Variants in AQP9 observed in about 807,000 individuals in gnomAD.
AQP9 encodes aquaporin-9.
A neutral mutation model predicts 23.8 loss-of-function variants in AQP9; 19 were observed. The observed-to-expected ratio is 0.80, with a 90% CI of 0.56 to 1.17. AQP9 has a LOEUF of 1.17. Among genes scored for constraint, AQP9 ranks in the 50% most tolerant of loss-of-function variants. The pLI, the probability that AQP9 is intolerant of heterozygous loss-of-function variation, is 0.00. For missense variants in AQP9, 413 were observed against 362.0 expected (o/e 1.14, Z -1.14); for synonymous variants, 153 against 131.5 (o/e 1.16, Z -1.12).
chr15:58,177,904 T>TA (rs1428357589), intron 4 of AQP9, among the ~76,000 whole-genome samples: 2 of 152,250 alleles, frequency 1.3e-5, no homozygotes, highest in Non-Finnish European at 2.9e-5. Flanking sequence ...CGTATGTTTT[T>TA]AAGTAGAGTC....
At chr15:58,157,964 G>A (rs900386076) in intron 1 of AQP9, among the ~76,000 whole-genome samples, 1 of 152,044 alleles carries the variant, frequency 6.6e-6, no homozygotes, top group African/African-American at 2.4e-5. Context: ...TCTGAACTAG[G>A]GTGACCATAC....
At chr15:58,182,087 G>A (rs1898900649) in intron 5 of AQP9, among the ~76,000 whole-genome samples, 1 of 152,174 alleles carries the variant, frequency 6.6e-6, no homozygotes, top group African/African-American at 2.4e-5. Context: ...ATGCCAGAGG[G>A]TTTGATGAGG....
At chr15:58,172,025 T>A (rs66896776) in intron 2 of AQP9, among the ~76,000 whole-genome samples, 18,636 of 152,192 alleles carry the variant, frequency 0.12, 1,403 homozygotes, top group Non-Finnish European at 0.17. Context: ...GCTCAGACAA[T>A]TTTTTTAAAT....
intron 1 of AQP9, among the ~76,000 whole-genome samples, chr15:58,145,800 T>C (rs1453365467): frequency 6.6e-5 from 10 of 152,236 alleles, no homozygotes; most frequent in African/African-American, 2.4e-4. Context: ...GTTCTTCCTT[T>C]AGAAAATTTT....
At chr15:58,160,043 C>T (rs1373456439) in intron 1 of AQP9, among the ~76,000 whole-genome samples, 6 of 152,122 alleles carry the variant, frequency 3.9e-5, no homozygotes, top group South Asian at 2.1e-4. Context: ...ACTGCTGAAT[C>T]GTATGGCAGT....
chr15:58,182,825 G>C (rs1898923027), intron 5 of AQP9, among the ~76,000 whole-genome samples: 1 of 152,170 alleles, frequency 6.6e-6, no homozygotes, highest in Admixed American at 6.5e-5. Flanking sequence ...GGTGCCCCAG[G>C]TGGAAGGGAC....
At chr15:58,165,964 G>A (rs1898493001) in intron 1 of AQP9, among the ~76,000 whole-genome samples, 1 of 152,202 alleles carries the variant, frequency 6.6e-6, no homozygotes, top group Non-Finnish European at 1.5e-5. Context: ...AGGGGGTCCT[G>A]ATTGCCAAAT....
chr15:58,183,342 C>CT (rs746390197), intron 5 of AQP9, among the ~76,000 whole-genome samples: 24 of 152,156 alleles, frequency 1.6e-4, no homozygotes, highest in Non-Finnish European at 2.9e-4. Flanking sequence ...AGAACTATAG[C>CT]TTTGCTGTAA....
At chr15:58,177,282 C>T (rs1039552972) in intron 4 of AQP9, among the ~76,000 whole-genome samples, 6 of 152,208 alleles carry the variant, frequency 3.9e-5, no homozygotes, top group Admixed American at 3.9e-4. Context: ...CCTACTTAGC[C>T]AAGTACAGCT....
At chr15:58,172,616 T>A (rs2414547) in intron 2 of AQP9, among the ~76,000 whole-genome samples, 66,961 of 152,062 alleles carry the variant, frequency 0.44, 16,469 homozygotes, top group Admixed American at 0.6. Context: ...CTTTTGAGCT[T>A]GTTTTTATAT....
intron 5 of AQP9, 34 bp from the exon 6 acceptor site, chr15:58,183,927 A>G: frequency 6.2e-7 from 1 of 1,610,988 alleles, no homozygotes; most frequent in Non-Finnish European, 8.5e-7. Context: ...AGGAAGGCCA[A>G]GAAATGTATC....
chr15:58,171,841 A>C (rs1215811470), intron 2 of AQP9, among the ~76,000 whole-genome samples: 1 of 150,076 alleles, frequency 6.7e-6, no homozygotes, highest in African/African-American at 2.4e-5. Flanking sequence ...CAGGATCATC[A>C]TCATCATCAT....
In AQP9 at chr15:58,168,544, A is replaced by G. The variant is rs920441032; in HGVS notation, c.238+1745A>G. On this transcript the variant is annotated intron_variant, in intron 2 of 5. Transcript: ENST00000219919. ...ATTGACCAGCTGGCACCCTTTCCAT[A>G]TTACAGCCAGACTCAGATCCAAGGG... 2.6e-5 allele frequency among the ~76,000 whole-genome samples: 4 copies of G among 151,216 alleles called. No homozygotes were observed. The South Asian group carries it at 8.4e-4, about 32-fold the overall frequency.
At chr15:58,169,549 T>A (rs1274479296) in intron 2 of AQP9, among the ~76,000 whole-genome samples, 1 of 152,138 alleles carries the variant, frequency 6.6e-6, no homozygotes, top group Non-Finnish European at 1.5e-5. Flanking sequence ...AACATACTGG[T>A]TTGTGGGCAC....
intron 2 of AQP9, among the ~76,000 whole-genome samples, chr15:58,171,400 C>T (rs1466881492): frequency 1.3e-5 from 2 of 152,090 alleles, no homozygotes; most frequent in African/African-American, 4.8e-5. Context: ...CACCCCTTTT[C>T]CTTTCACAAT....
intron 5 of AQP9, among the ~76,000 whole-genome samples, chr15:58,183,030 G>A (rs566037697): frequency 6.6e-6 from 1 of 152,308 alleles, no homozygotes; most frequent in Admixed American, 6.5e-5. Context: ...CATATGTGTA[G>A]TTATTCAGCA....
chr15:58,162,862 AG>A (rs1349227197), intron 1 of AQP9, among the ~76,000 whole-genome samples: 1 of 152,240 alleles, frequency 6.6e-6, no homozygotes, highest in African/African-American at 2.4e-5. Context: ...CAAGTAGAGC[AG>A]GGATGACGTG....
intron 2 of AQP9, among the ~76,000 whole-genome samples, chr15:58,170,845 C>T (rs187852608): frequency 2.6e-5 from 4 of 152,198 alleles, no homozygotes; most frequent in South Asian, 2.1e-4. Flanking sequence ...TTTTGGAAGA[C>T]GAAATTGTTA....
chr15:58,138,912 T>C, intron 1 of AQP9: 2 of 432,888 alleles, frequency 4.6e-6, no homozygotes, highest in South Asian at 5.4e-5. Context: ...AGAGAAGGAG[T>C]GAGTGAAGTG....
Sources: allele counts gnomAD v4.1 joint callset (sites outside exome capture counted in the v4.1 genomes callset), GRCh38; gene constraint gnomAD v4.1.1; transcripts MANE v1.5; gene names NCBI Gene and HGNC (gene_info 2026-07-23, HGNC 2026-07-21).